Variants in VPS33A observed in about 807,000 individuals in gnomAD.
VPS33A encodes vacuolar protein sorting-associated protein 33A.
In VPS33A, 32 loss-of-function variants were observed where a neutral mutation model predicts 71.8. That is an observed-to-expected ratio of 0.45 (90% CI 0.34 to 0.60). The LOEUF is 0.60. Ranked by LOEUF, VPS33A falls within the 20% of genes least tolerant of loss-of-function variation. VPS33A has a pLI of 0.02. For missense variants in VPS33A, 625 were observed against 748.5 expected (o/e 0.84, Z 1.92); for synonymous variants, 311 against 292.7 (o/e 1.06, Z -0.64).
At position 122,230,294 on chromosome 12, in the gene VPS33A, T is replaced by C. The variant is rs1185008730; in HGVS notation, c.*1952A>G. On this transcript the variant is annotated 3_prime_UTR_variant, in exon 13 of 13. Transcript: ENST00000267199. The stretch of plus-strand genomic sequence containing the variant: ...TTTACCGTGCCCATCAGAACTCCAC[T>C]AATGGGCCGGGCACGGTGGTTCACA... 6.6e-6 allele frequency: 1 copy of C among 152,130 alleles called. No individual in the cohort carries two copies. The highest frequency in any genetic ancestry group is 1.5e-5 in the Non-Finnish European group (1 of 68,016). The allele number at this position is 152,130 out of a possible 1,614,324, so 9.4% of individuals were successfully genotyped here.
intron 10 of VPS33A, 45 bp downstream of exon 10, chr12:122,238,542 G>C: frequency 6.3e-7 from 1 of 1,577,926 alleles, no homozygotes; most frequent in Non-Finnish European, 8.6e-7. Flanking sequence ...TTTTTAAAAA[G>C]ATGCTGTCCC....
At chr12:122,264,419 C>T (rs1225763180) in intron 1 of VPS33A, among the ~76,000 whole-genome samples, 1 of 152,100 alleles carries the variant, frequency 6.6e-6, no homozygotes, top group East Asian at 1.9e-4. Flanking sequence ...GAGACGGAGT[C>T]TTGCTGTGTT....
At chr12:122,246,641 C>A (rs954453710) in intron 6 of VPS33A, among the ~76,000 whole-genome samples, 58 of 151,740 alleles carry the variant, frequency 3.8e-4, no homozygotes, top group African/African-American at 1.4e-3. Context: ...AGTCTGTCAC[C>A]CAGACTGGAG....
chr12:122,251,011 T>C lies in VPS33A; in HGVS notation c.572A>G (p.Gln191Arg). ...TLQALYGTIP[Q>R]IFGKGECARQ... ...AGCGCATTCTCCTTTCCCAAAGATC[T>C]GGGGGATCGTTCCATACAGAGCTTG... is the stretch of plus-strand genomic sequence containing the variant. The change falls in exon 5 of 13, where the codon CAG becomes CGG. Residue 191 changes from glutamine (Q) to arginine (R), a missense_variant. Coordinates refer to ENST00000267199, the MANE Select transcript of VPS33A (RefSeq NM_022916.6). 6.2e-7 allele frequency: 1 copy of C among 1,614,068 alleles called. No homozygotes were observed. Among genetic ancestry groups the C allele is most frequent in the African/African-American group, 1.3e-5 (1 of 75,038 alleles).
intron 6 of VPS33A, 154 bp downstream of exon 6, chr12:122,249,717 T>C (rs1275238657): frequency 4.5e-6 from 3 of 666,462 alleles, no homozygotes; most frequent in Admixed American, 4.0e-5. Flanking sequence ...CTAAATTGCT[T>C]ACAAAAAGGT....
chr12:122,234,178 T>C (rs947793535), intron 11 of VPS33A, among the ~76,000 whole-genome samples: 4 of 152,238 alleles, frequency 2.6e-5, no homozygotes, highest in African/African-American at 9.6e-5. Context: ...TCTGGAAGGA[T>C]AGATAAAAAA....
In VPS33A at chr12:122,232,131, C is replaced by G; in HGVS notation, c.*115G>C. The G allele has an allele frequency of 1.0e-6, 1 of 1,002,842 alleles. No homozygotes were observed. Among genetic ancestry groups the G allele is most frequent in the South Asian group, 1.8e-5 (1 of 55,432 alleles). The allele number at this position is 1,002,842 out of a possible 1,614,324, so 62.1% of individuals were successfully genotyped here. ...AGTAGTATAATTTAAGAAGCTGACCCCAGAATATATTCTGTATTCCCATGT... is the reference window on the plus strand; with the variant it reads ...AGTAGTATAATTTAAGAAGCTGACCGCAGAATATATTCTGTATTCCCATGT... On this transcript the variant is annotated 3_prime_UTR_variant, in exon 13 of 13. Transcript: ENST00000267199.
At position 122,235,850 on chromosome 12, in the gene VPS33A, C is replaced by A. The variant is rs1416257303; in HGVS notation, c.1376G>T (p.Gly459Val). 6.2e-7 allele frequency: 1 copy of A among 1,613,622 alleles called. No homozygotes were observed. Among genetic ancestry groups the A allele is most frequent in the African/African-American group, 1.3e-5 (1 of 74,966 alleles). ...CCGTATAGTTGGGTAATTGTTTCTG[C>A]CCCCCGTCTGCGGTTTCAGCAGGCC... ...KAGLLKPQTG[G>V]RNNYPTIRKT... The change falls in exon 11 of 13, where the codon GGC (glycine) becomes GTC (valine). Residue 459 changes from glycine (G) to valine (V), a missense_variant. Transcript: ENST00000267199.
At chr12:122,255,662 G>A (rs1307833361) in intron 4 of VPS33A, among the ~76,000 whole-genome samples, 8 of 120,936 alleles carry the variant, frequency 6.6e-5, no homozygotes, top group Admixed American at 1.1e-4. Flanking sequence ...CCGAGATTGC[G>A]CCACACAGCA....
chr12:122,259,679 TA>T (rs1159060844), intron 4 of VPS33A, among the ~76,000 whole-genome samples: 1 of 152,022 alleles, frequency 6.6e-6, no homozygotes. Flanking sequence ...TATTCAGCAA[TA>T]AGAAGGAATG....
chr12:122,232,212 C>T lies in VPS33A; in HGVS notation c.*34G>A. 1.3e-6 allele frequency: 2 copies of T among 1,567,410 alleles called. No individual in the cohort carries two copies. Among genetic ancestry groups the T allele is most frequent in the Non-Finnish European group, 1.7e-6 (2 of 1,156,628 alleles). ...AATTTCTTCAAAGAGGTAGTTTATT[C>T]TGCAGTACACTTGTTAAGTCTCCTC... On this transcript the variant is annotated 3_prime_UTR_variant, in exon 13 of 13. Coordinates refer to ENST00000267199, the MANE Select transcript of VPS33A (RefSeq NM_022916.6).
intron 4 of VPS33A, among the ~76,000 whole-genome samples, chr12:122,253,901 G>A (rs953483085): frequency 2.0e-5 from 3 of 151,996 alleles, no homozygotes; most frequent in Admixed American, 6.6e-5. Flanking sequence ...GTTTCACCAC[G>A]TTGCCGAGGC....
At chr12:122,242,204 C>T (rs996581608) in intron 8 of VPS33A, among the ~76,000 whole-genome samples, 178 bp downstream of exon 8, 5 of 151,894 alleles carry the variant, frequency 3.3e-5, no homozygotes, top group African/African-American at 4.8e-5. Flanking sequence ...CACCATGCCC[C>T]GCCTGGAATA....
chr12:122,246,402 C>T (rs985405861), intron 6 of VPS33A, among the ~76,000 whole-genome samples: 8 of 151,970 alleles, frequency 5.3e-5, no homozygotes, highest in Non-Finnish European at 1.2e-4. Flanking sequence ...CGGGTTCAAG[C>T]GATTCTCCTG....
Position 122,261,301 on chromosome 12 carries a change from T to A in VPS33A, c.443A>T (p.Asp148Val), listed in dbSNP as rs761850733. Residue 148 changes from aspartate (D) to valine (V), a missense_variant, in exon 4 of 13, where the codon GAT (aspartate) becomes GTT (valine). Physicochemically the swap from Asp to Val is radical, Grantham distance 152 (BLOSUM62 -3). Transcript: ENST00000267199. ...TGATTCCATGGATAAGAGATCCCCA[T>A]CGAATGGAATGAGATCTAAGCTGTA... The part of the protein sequence containing the change: ...EEYSLDLIPF[D>V]GDLLSMESEG... 1 of 1,611,296 alleles carries A rather than the reference T, an allele frequency of 6.2e-7. No homozygotes were observed. Among genetic ancestry groups the A allele is most frequent in the South Asian group, 1.1e-5 (1 of 90,478 alleles).
At chr12:122,250,163 A>C in intron 5 of VPS33A, 118 bp from the exon 6 acceptor site, 2 of 1,114,748 alleles carry the variant, frequency 1.8e-6, no homozygotes, top group Non-Finnish European at 2.5e-6. Flanking sequence ...GGAAGAGTGC[A>C]TTGCTTAGAA....
intron 6 of VPS33A, among the ~76,000 whole-genome samples, chr12:122,246,766 A>G (rs1954782763): frequency 6.7e-6 from 1 of 149,110 alleles, no homozygotes; most frequent in Non-Finnish European, 1.5e-5. Flanking sequence ...TACCTGGCTA[A>G]TTTTTTTTTG....
intron 11 of VPS33A, among the ~76,000 whole-genome samples, chr12:122,234,015 G>A (rs527312348): frequency 7.2e-5 from 11 of 151,916 alleles, no homozygotes; most frequent in Non-Finnish European, 1.5e-4. Flanking sequence ...TGCAAGAGGC[G>A]GCCTAATAAA....
intron 6 of VPS33A, among the ~76,000 whole-genome samples, chr12:122,246,436 A>T (rs1391033522): frequency 1.3e-5 from 2 of 151,512 alleles, no homozygotes; most frequent in African/African-American, 4.9e-5. Context: ...AGTAGCTAGG[A>T]TTACAGGCGC....
Sources: allele counts gnomAD v4.1 joint callset (sites outside exome capture counted in the v4.1 genomes callset), GRCh38; gene constraint gnomAD v4.1.1; transcripts MANE v1.5; gene names NCBI Gene and HGNC (gene_info 2026-07-23, HGNC 2026-07-21).